The following MED13L variants were observed in gnomAD, a reference collection of about 807,000 sequenced individuals.
The protein encoded by MED13L is mediator of RNA polymerase II transcription subunit 13-like.
A neutral mutation model predicts 220.9 loss-of-function variants in MED13L; 7 were observed. The observed-to-expected ratio is 0.03, with a 90% CI of 0.02 to 0.06. The LOEUF (loss-of-function observed/expected upper bound fraction) is 0.06. MED13L is among the 10% of genes least tolerant of loss of function. The pLI is 1.00. For missense variants in MED13L, 1,965 were observed against 2,760.5 expected, an observed-to-expected ratio of 0.71 and a Z score of 6.46; for synonymous variants, 1,011 against 1,015.2, an observed-to-expected ratio of 1.00 and a Z score of 0.08.
chr12:115,977,915 A>C (rs953521016), intron 23 of MED13L, among the ~76,000 whole-genome samples: 1 of 152,144 alleles, frequency 6.6e-6, no homozygotes, highest in African/African-American at 2.4e-5. Flanking sequence ...GGATCACTTA[A>C]GCCCAGGGAG....
intron 1 of MED13L, among the ~76,000 whole-genome samples, chr12:116,257,866 TTCC>T (rs1872186582): frequency 6.6e-6 from 1 of 152,174 alleles, no homozygotes; most frequent in African/African-American, 2.4e-5. Context: ...TTCCAAATGA[TTCC>T]TCAATTTGGA....
rs1398905595 is a variant in MED13L at position 116,158,472 on chromosome 12, A to T, written c.311-46960T>A. Among the ~76,000 whole-genome samples, 4 of 152,172 alleles carry T rather than the reference A, an allele frequency of 2.6e-5. No individual in the cohort carries two copies. The East Asian group carries it at 7.7e-4, about 29-fold the overall frequency. On this transcript the variant is annotated intron_variant, in intron 2 of 30. Transcript: ENST00000281928. ...TATTTGCTGCTGGTGACAGTAGTGG[A>T]GTATATGTCTACGTCTGTAGAACTA...
chr12:116,227,178 G>A (rs1199068776), intron 2 of MED13L, among the ~76,000 whole-genome samples: 6 of 152,036 alleles, frequency 3.9e-5, no homozygotes, highest in African/African-American at 1.4e-4. Flanking sequence ...CTCAAAGGTA[G>A]CCTTCTGCTT....
chr12:116,004,808 ATC>A (rs1238463878), intron 13 of MED13L, among the ~76,000 whole-genome samples: 7 of 152,278 alleles, frequency 4.6e-5, no homozygotes, highest in East Asian at 1.9e-4. Context: ...GGTATATAAT[ATC>A]TGTTAGATAC....
chr12:115,983,257 T>G lies in MED13L; in HGVS notation c.4815A>C (p.Ser1605=). 1 of 1,614,154 alleles carries G rather than the reference T, an allele frequency of 6.2e-7. No homozygotes were observed. The highest frequency in any genetic ancestry group is 8.5e-7 in the Non-Finnish European group (1 of 1,180,022). Residue 1605 remains serine (S), a synonymous_variant, in exon 21 of 31, where the codon TCA becomes TCC. Coordinates refer to ENST00000281928, the MANE Select transcript of MED13L (RefSeq NM_015335.5). ...GISQISTTSS[S]GFSGSVGGQN... ...GCCCTCCAACACTACCACTGAATCC[T>G]GAAGAAGAGGTAGTGCTTATCTGGC... is the stretch of plus-strand genomic sequence containing the variant.
rs74757206 is a variant in MED13L at position 115,982,501 on chromosome 12, C to T, written c.5058G>A (p.Thr1686=). ...AVVIYMVDPF[T]YAAEEDSTSG... Reference sequence around the variant, plus strand: ...AAGTGGAGTCCTCCTCTGCAGCATACGTGAACGGGTCCACCATGTAAATGA... The same window carrying T: ...AAGTGGAGTCCTCCTCTGCAGCATATGTGAACGGGTCCACCATGTAAATGA... Residue 1686 remains threonine (T), a synonymous_variant, in exon 22 of 31, where the codon ACG becomes ACA. Coordinates refer to ENST00000281928, the MANE Select transcript of MED13L (RefSeq NM_015335.5). 1.8e-4 allele frequency: 288 copies of T among 1,614,130 alleles called. 4 individuals carry two copies. In the East Asian group the frequency reaches 6.2e-3, roughly 35 times the overall value.
intron 4 of MED13L, among the ~76,000 whole-genome samples, chr12:116,049,271 T>A (rs984647930): frequency 7.9e-5 from 12 of 152,198 alleles, no homozygotes; most frequent in African/African-American, 2.9e-4. Context: ...TAGGTGGAGA[T>A]AACTGCTCAT....
intron 2 of MED13L, among the ~76,000 whole-genome samples, chr12:116,216,957 C>A (rs1333190535): frequency 4.6e-5 from 7 of 152,158 alleles, no homozygotes; most frequent in African/African-American, 1.7e-4. Context: ...AAACTTAAAG[C>A]AAAAATCTGT....
At chr12:116,096,828 T>C (rs1413133617) in intron 3 of MED13L, 76 bp from the exon 4 acceptor site, 1 of 1,013,574 alleles carries the variant, frequency 9.9e-7, no homozygotes, top group African/African-American at 1.6e-5. Context: ...ATACACCAGA[T>C]GAGATATATC....
intron 25 of MED13L, among the ~76,000 whole-genome samples, chr12:115,974,606 T>C (rs1047207187): frequency 4.6e-5 from 7 of 152,210 alleles, no homozygotes; most frequent in Non-Finnish European, 1.0e-4. Flanking sequence ...GCAGTGGTAG[T>C]TGGGGACTGA....
At chr12:116,161,922 G>T (rs1444887342) in intron 2 of MED13L, among the ~76,000 whole-genome samples, 1 of 151,886 alleles carries the variant, frequency 6.6e-6, no homozygotes, top group African/African-American at 2.4e-5. Context: ...AAAAAGAAAT[G>T]GAATATCTAA....
chr12:116,274,139 A>C (rs1405004382), intron 1 of MED13L, among the ~76,000 whole-genome samples: 1 of 152,212 alleles, frequency 6.6e-6, no homozygotes, highest in Non-Finnish European at 1.5e-5. Flanking sequence ...ACACAATGGC[A>C]TTTTTCACAC....
At chr12:116,272,042 G>A (rs901063116) in intron 1 of MED13L, among the ~76,000 whole-genome samples, 1 of 152,160 alleles carries the variant, frequency 6.6e-6, no homozygotes, top group Non-Finnish European at 1.5e-5. Flanking sequence ...AAAGTTGAGA[G>A]ACAGCTGAAT....
intron 4 of MED13L, among the ~76,000 whole-genome samples, chr12:116,026,968 C>CGT (rs1301091671): frequency 6.6e-6 from 1 of 152,056 alleles, no homozygotes; most frequent in African/African-American, 2.4e-5. Context: ...GAAACACCTC[C>CGT]AACAAGGACT....
intron 2 of MED13L, among the ~76,000 whole-genome samples, chr12:116,113,697 T>C (rs1309455241): frequency 1.8e-5 from 2 of 111,636 alleles, no homozygotes; most frequent in Non-Finnish European, 3.7e-5. Flanking sequence ...AGGGAGACAG[T>C]GAGTGGAGGA....
At chr12:116,205,949 T>TG (rs1275544949) in intron 2 of MED13L, among the ~76,000 whole-genome samples, 2 of 151,734 alleles carry the variant, frequency 1.3e-5, no homozygotes, top group Non-Finnish European at 2.9e-5. Context: ...CTTGTTTTTT[T>TG]TTTTTTTTTG....
chr12:116,079,947 T>C (rs996212429), intron 4 of MED13L, among the ~76,000 whole-genome samples: 5 of 152,072 alleles, frequency 3.3e-5, no homozygotes, highest in African/African-American at 1.2e-4. Flanking sequence ...CCGTAAACCA[T>C]GGGCCGCATG....
At chr12:115,979,435 T>C (rs924652402) in intron 23 of MED13L, among the ~76,000 whole-genome samples, 3 of 152,234 alleles carry the variant, frequency 2.0e-5, no homozygotes, top group Non-Finnish European at 2.9e-5. Flanking sequence ...GAATTGCTCA[T>C]AGAAGTGAAA....
At chr12:116,032,897 C>G (rs890434518) in intron 4 of MED13L, among the ~76,000 whole-genome samples, 5 of 150,482 alleles carry the variant, frequency 3.3e-5, no homozygotes, top group African/African-American at 1.2e-4. Flanking sequence ...GGAGAGGAGA[C>G]AAGGAGAAAG....
Sources: allele counts gnomAD v4.1 joint callset (sites outside exome capture counted in the v4.1 genomes callset), GRCh38; gene constraint gnomAD v4.1.1; transcripts MANE v1.5; gene names NCBI Gene and HGNC (gene_info 2026-07-23, HGNC 2026-07-21).